Variants in MINDY4 observed in about 807,000 individuals in gnomAD.
MINDY4 encodes the protein probable ubiquitin carboxyl-terminal hydrolase MINDY-4.
Under a neutral mutation model 87.0 loss-of-function variants are expected in MINDY4, and 68 were observed. The ratio of observed to expected loss-of-function variants is 0.78; its 90% CI spans 0.64 to 0.96. MINDY4 has a LOEUF of 0.96. Among genes scored for constraint, MINDY4 ranks in the 40% least tolerant of loss-of-function variants. MINDY4 has a pLI of 0.00. For missense variants in MINDY4, 919 were observed against 928.2 expected (o/e 0.99, Z 0.13); for synonymous variants, 379 against 363.2 (o/e 1.04, Z -0.50).
intron 5 of MINDY4, among the ~76,000 whole-genome samples, chr7:30,820,100 A>G (rs1478189148): frequency 6.6e-6 from 1 of 150,778 alleles, no homozygotes; most frequent in African/African-American, 2.4e-5. Flanking sequence ...ACGGGGTTTC[A>G]CCGTTTTAGC....
At chr7:30,839,933 C>G (rs991287732) in intron 8 of MINDY4, among the ~76,000 whole-genome samples, 10 of 152,146 alleles carry the variant, frequency 6.6e-5, no homozygotes, top group African/African-American at 2.2e-4. Context: ...CAAGAATCAG[C>G]AGTTGAGCAG....
At chr7:30,847,514 C>A (rs1169921560) in intron 9 of MINDY4, among the ~76,000 whole-genome samples, 6 of 151,686 alleles carry the variant, frequency 4.0e-5, no homozygotes, top group Admixed American at 3.3e-4. Context: ...CTCCTTCCTT[C>A]CTCAGTGTTT....
rs1789381053 is a variant in MINDY4, at chr7:30,850,503, C to T, written c.1495C>T (p.Leu499Phe). 6.2e-7 allele frequency: 1 copy of T among 1,612,648 alleles called. No homozygotes were observed. Among genetic ancestry groups the T allele is most frequent in the Non-Finnish European group, 8.5e-7 (1 of 1,179,474 alleles). The change falls in exon 10 of 18, where the codon CTC becomes TTC. Residue 499 changes from leucine (L) to phenylalanine (F), a missense_variant. Physicochemically the swap from Leu to Phe is conservative, Grantham distance 22. Coordinates refer to ENST00000265299, the MANE Select transcript of MINDY4 (RefSeq NM_032222.3). Reference protein sequence around the residue: ...AHRTRCLVLALADIVWRAGGR... With the variant: ...AHRTRCLVLAFADIVWRAGGR... Reference sequence around the variant, plus strand: ...CCGGACCCGCTGCCTCGTCCTGGCCCTCGCAGACATTGTGTGGCGGGCAGG... The same window carrying T: ...CCGGACCCGCTGCCTCGTCCTGGCCTTCGCAGACATTGTGTGGCGGGCAGG...
Position 30,892,039 on chromosome 7 carries a change from C to T in MINDY4, c.*34C>T, listed in dbSNP as rs1180363159. The T allele has an allele frequency of 3.1e-6, 5 of 1,607,290 alleles. No individual in the cohort carries two copies. The highest frequency in any genetic ancestry group is 1.7e-4 in the Middle Eastern group (1 of 6,056). On this transcript the variant is annotated 3_prime_UTR_variant, in exon 18 of 18. Coordinates refer to ENST00000265299, the MANE Select transcript of MINDY4 (RefSeq NM_032222.3). Reference sequence around the variant, plus strand: ...TGTGGGTAAACCCTGTGGTCCACCACTCATCACCTCATCACCGAGGATGAC... The same window carrying T: ...TGTGGGTAAACCCTGTGGTCCACCATTCATCACCTCATCACCGAGGATGAC...
At chr7:30,785,073 C>CT (rs70983391) in intron 3 of MINDY4, among the ~76,000 whole-genome samples, 60,507 of 141,446 alleles carry the variant, frequency 0.43, 13,193 homozygotes, top group African/African-American at 0.53. Context: ...CTCTTGCCTT[C>CT]TTTTTTTTTT....
At chr7:30,878,712 C>T (rs1790365147) in intron 15 of MINDY4, among the ~76,000 whole-genome samples, 1 of 152,206 alleles carries the variant, frequency 6.6e-6, no homozygotes, top group South Asian at 2.1e-4. Context: ...TCATTGCCAT[C>T]TTCATGAAGG....
intron 15 of MINDY4, among the ~76,000 whole-genome samples, chr7:30,880,091 A>G (rs58367576): frequency 0.097 from 14,744 of 152,150 alleles, 845 homozygotes; most frequent in South Asian, 0.21. Context: ...CTATGTCCCC[A>G]TTGCTGTTCC....
chr7:30,872,248 G>T lies in MINDY4; in HGVS notation c.1751G>T (p.Arg584Leu). 1.2e-6 allele frequency: 2 copies of T among 1,614,064 alleles called. No individual in the cohort carries two copies. The highest frequency in any genetic ancestry group is 1.7e-6 in the Non-Finnish European group (2 of 1,179,956). Residue 584 changes from arginine (R) to leucine (L), a missense_variant, in exon 14 of 18, where the codon CGC (arginine) becomes CTC (leucine). Arg to Leu is a moderately radical substitution (Grantham distance 102). Coordinates refer to ENST00000265299, the MANE Select transcript of MINDY4 (RefSeq NM_032222.3). The stretch of plus-strand genomic sequence containing the variant: ...ATGCTTCTTGTGTTTTCCAGCATCC[G>T]CCAGGACTTTGATGTCCCCACCAGC... ...AILSRSTELI[R>L]QDFDVPTSHL...
intron 12 of MINDY4, among the ~76,000 whole-genome samples, chr7:30,855,797 C>T (rs1304401279): frequency 6.6e-6 from 1 of 152,238 alleles, no homozygotes; most frequent in Non-Finnish European, 1.5e-5. Context: ...AAGCAGTCGC[C>T]TCCTCGCCTG....
At chr7:30,872,657 G>T (rs1444289232) in intron 14 of MINDY4, among the ~76,000 whole-genome samples, 3 of 152,226 alleles carry the variant, frequency 2.0e-5, no homozygotes, top group African/African-American at 2.4e-5. Flanking sequence ...AGGGGACCCT[G>T]GGTCCAGCTG....
At chr7:30,804,236 A>C (rs1312843535) in intron 5 of MINDY4, among the ~76,000 whole-genome samples, 1 of 152,230 alleles carries the variant, frequency 6.6e-6, no homozygotes, top group Non-Finnish European at 1.5e-5. Flanking sequence ...TGTGTGCCTC[A>C]TTCCAGAAAA....
chr7:30,807,056 A>T (rs7803813), intron 5 of MINDY4, among the ~76,000 whole-genome samples: 1 of 152,258 alleles, frequency 6.6e-6, no homozygotes, highest in African/African-American at 2.4e-5. Context: ...TTCTTTAAAT[A>T]AAATTTCTTT....
intron 5 of MINDY4, among the ~76,000 whole-genome samples, chr7:30,793,857 G>C (rs1202265118): frequency 2.6e-5 from 4 of 152,202 alleles, no homozygotes. Flanking sequence ...GGGGAAGAAT[G>C]GCCAGGTGGG....
intron 3 of MINDY4, among the ~76,000 whole-genome samples, chr7:30,785,283 C>G (rs1459496790): frequency 2.0e-5 from 3 of 151,732 alleles, no homozygotes; most frequent in Admixed American, 2.0e-4. Flanking sequence ...CACACACACA[C>G]ACACACACAC....
intron 5 of MINDY4, among the ~76,000 whole-genome samples, chr7:30,820,305 C>G (rs1033691201): frequency 1.3e-5 from 2 of 151,930 alleles, no homozygotes; most frequent in East Asian, 1.9e-4. Flanking sequence ...TTTATTTGTC[C>G]TGTTATATTT....
intron 6 of MINDY4, among the ~76,000 whole-genome samples, chr7:30,831,832 G>A (rs927834873): frequency 1.3e-5 from 2 of 152,094 alleles, no homozygotes; most frequent in African/African-American, 4.8e-5. Context: ...TTATACATAC[G>A]TACATGTATC....
At chr7:30,881,925 A>C (rs1790473498) in intron 15 of MINDY4, among the ~76,000 whole-genome samples, 1 of 151,654 alleles carries the variant, frequency 6.6e-6, no homozygotes, top group South Asian at 2.1e-4. Flanking sequence ...GTGGGGGATG[A>C]GGGGGCGAGT....
intron 5 of MINDY4, among the ~76,000 whole-genome samples, chr7:30,810,174 C>CAAAAAAAAA (rs58498956): frequency 1.9e-4 from 13 of 66,686 alleles, no homozygotes; most frequent in Admixed American, 4.8e-4. Flanking sequence ...GACTCTGTTT[C>CAAAAAAAAA]AAAAAAAAAA....
chr7:30,812,675 C>T (rs1259660556), intron 5 of MINDY4, among the ~76,000 whole-genome samples: 1 of 152,200 alleles, frequency 6.6e-6, no homozygotes, highest in East Asian at 1.9e-4. Flanking sequence ...CAACAGCTTG[C>T]ACATGTTTTC....
Sources: gnomAD v4.1 joint callset for allele counts (sites outside exome capture counted in the v4.1 genomes callset) on GRCh38, gnomAD v4.1.1 for gene constraint, MANE v1.5 for transcripts, NCBI Gene and HGNC (gene_info 2026-07-23, HGNC 2026-07-21) for gene names.